The following AKAP13 variants were observed in gnomAD, a reference collection of about 807,000 sequenced individuals.
AKAP13 encodes the protein A-kinase anchor protein 13.
A neutral mutation model predicts 264.5 loss-of-function variants in AKAP13; 80 were observed. That is an observed-to-expected ratio of 0.30 (90% CI 0.25 to 0.36). The LOEUF (loss-of-function observed/expected upper bound fraction) is 0.36, where lower values mean the gene tolerates loss of function less well. AKAP13 is among the 10% of genes least tolerant of loss of function. AKAP13 has a pLI of 1.00. For synonymous variants in AKAP13, 1,380 were observed against 1,250.2 expected, an observed-to-expected ratio of 1.10 and a Z score of -2.19; for missense variants, 3,712 against 3,435.2, an observed-to-expected ratio of 1.08 and a Z score of -2.01.
chr15:85,533,108 A>T (rs1015582607), intron 3 of AKAP13, among the ~76,000 whole-genome samples: 1 of 152,238 alleles, frequency 6.6e-6, no homozygotes, highest in African/African-American at 2.4e-5. Flanking sequence ...GTATCGTGAT[A>T]ATAAAGCAAG....
chr15:85,723,753 A>C (rs939742786), intron 26 of AKAP13, among the ~76,000 whole-genome samples: 1 of 152,336 alleles, frequency 6.6e-6, no homozygotes, highest in East Asian at 1.9e-4. Flanking sequence ...ACTTGTTCAC[A>C]AGAGATGTTA....
intron 1 of AKAP13, among the ~76,000 whole-genome samples, chr15:85,385,354 C>G (rs1409563878): frequency 3.3e-5 from 5 of 152,090 alleles, no homozygotes; most frequent in Admixed American, 2.6e-4. Flanking sequence ...CATTATGTCT[C>G]TTTAGTCTCT....
At chr15:85,487,647 C>G (rs1201918688) in intron 2 of AKAP13, among the ~76,000 whole-genome samples, 5 of 151,972 alleles carry the variant, frequency 3.3e-5, no homozygotes, top group Non-Finnish European at 7.4e-5. Flanking sequence ...CTCACAGCAT[C>G]GTGGAACTCC....
chr15:85,741,729 C>A (rs55869061), intron 35 of AKAP13, among the ~76,000 whole-genome samples: 9,738 of 78,214 alleles, frequency 0.12, 484 homozygotes, highest in East Asian at 0.22. Flanking sequence ...AACAAACAAA[C>A]AAAAAAAAAA....
At chr15:85,506,472 G>A (rs2076225321) in intron 2 of AKAP13, among the ~76,000 whole-genome samples, 2 of 152,000 alleles carry the variant, frequency 1.3e-5, no homozygotes, top group African/African-American at 2.4e-5. Context: ...GAGGAAAGGG[G>A]AACTCAGATA....
chr15:85,385,756 C>G (rs900786603), intron 1 of AKAP13, among the ~76,000 whole-genome samples: 1 of 152,066 alleles, frequency 6.6e-6, no homozygotes, highest in African/African-American at 2.4e-5. Flanking sequence ...TTTGTATATA[C>G]TTTGGAATCA....
At chr15:85,454,058 G>T (rs1012444145) in intron 1 of AKAP13, among the ~76,000 whole-genome samples, 1 of 152,200 alleles carries the variant, frequency 6.6e-6, no homozygotes, top group Admixed American at 6.5e-5. Context: ...GCCACTACTG[G>T]CAGCTGGCTA....
intron 5 of AKAP13, among the ~76,000 whole-genome samples, chr15:85,546,328 A>G (rs2077741559): frequency 6.8e-6 from 1 of 146,106 alleles, no homozygotes. Context: ...CCAAACACAC[A>G]CACACACACA....
chr15:85,396,890 C>T (rs1309763002), intron 1 of AKAP13, among the ~76,000 whole-genome samples: 10 of 141,960 alleles, frequency 7.0e-5, no homozygotes, highest in Non-Finnish European at 1.2e-4. Flanking sequence ...TGAGTCCTCT[C>T]GTATGTTAGA....
At chr15:85,660,370 A>G in intron 12 of AKAP13, among the ~76,000 whole-genome samples, 1 of 142,976 alleles carries the variant, frequency 7.0e-6, no homozygotes. Context: ...AAAAAAAAAA[A>G]AAAAAAAAAG....
intron 9 of AKAP13, among the ~76,000 whole-genome samples, chr15:85,641,112 A>T (rs2448027): frequency 0.64 from 97,063 of 151,868 alleles, 31,200 homozygotes; most frequent in Middle Eastern, 0.73. Flanking sequence ...TTTACTTTAT[A>T]CACACTTCCT....
Position 85,746,969 on chromosome 15 carries a change from T to G in AKAP13, c.*2292T>G, listed in dbSNP as rs943455033. ...GAGCACGTCGCCACAGAGCTTGACATCAATGTTAGAGGGTCTCTTACTCCC... is the reference window on the plus strand; with the variant it reads ...GAGCACGTCGCCACAGAGCTTGACAGCAATGTTAGAGGGTCTCTTACTCCC... On this transcript the variant is annotated 3_prime_UTR_variant, in exon 37 of 37. Transcript: ENST00000394518. 2.6e-5 allele frequency: 4 copies of G among 152,212 alleles called. No homozygotes were observed. The highest frequency in any genetic ancestry group is 9.7e-5 in the African/African-American group (4 of 41,438). The allele number at this position is 152,212 out of a possible 1,614,324, so 9.4% of individuals were successfully genotyped here.
intron 1 of AKAP13, among the ~76,000 whole-genome samples, chr15:85,400,944 C>T (rs964383200): frequency 1.3e-5 from 2 of 151,470 alleles, no homozygotes; most frequent in African/African-American, 4.9e-5. Flanking sequence ...TTACTGCAAC[C>T]TCCGCCTCCC....
chr15:85,710,723 G>T, intron 19 of AKAP13, 78 bp downstream of exon 19: 1 of 1,493,992 alleles, frequency 6.7e-7, no homozygotes, highest in Admixed American at 2.0e-5. Context: ...GTAATATTCA[G>T]TTATTATTCA....
chr15:85,555,448 AAG>A (rs2078109084), intron 5 of AKAP13: 2 of 1,288,950 alleles, frequency 1.6e-6, no homozygotes, highest in Non-Finnish European at 2.0e-6. Context: ...CCAAAACTAA[AAG>A]AGGATGGGCT....
chr15:85,573,906 CTG>C (rs1302842991), intron 5 of AKAP13, among the ~76,000 whole-genome samples: 1 of 152,210 alleles, frequency 6.6e-6, no homozygotes, highest in South Asian at 2.1e-4. Context: ...TGTGATTTCT[CTG>C]TGTCAAACAC....
chr15:85,603,577 G>A (rs796648292), intron 8 of AKAP13, among the ~76,000 whole-genome samples: 16 of 152,164 alleles, frequency 1.1e-4, no homozygotes, highest in African/African-American at 3.6e-4. Context: ...TTGTGATGTG[G>A]CATACATGGA....
chr15:85,568,167 G>A (rs1340055499), intron 5 of AKAP13, among the ~76,000 whole-genome samples: 2 of 152,042 alleles, frequency 1.3e-5, no homozygotes, highest in Non-Finnish European at 2.9e-5. Context: ...TCGTATGGTG[G>A]TGCGTGCCTG....
In AKAP13 at chr15:85,573,461, G is replaced by A. The variant is rs184634490; in HGVS notation, c.663-1670G>A. On this transcript the variant is annotated intron_variant, in intron 5 of 36. Transcript: ENST00000394518. Reference sequence around the variant, plus strand: ...CTCAGGAGGCTGAGGCAGGAGAATCGATGAACCTGGGAGTTAGAGGTTGCA... The same window carrying A: ...CTCAGGAGGCTGAGGCAGGAGAATCAATGAACCTGGGAGTTAGAGGTTGCA... Among the ~76,000 whole-genome samples the A allele has an allele frequency of 6.6e-5, 10 of 152,056 alleles. No individual in the cohort carries two copies. The East Asian group carries it at 1.7e-3, about 27-fold the overall frequency.
Sources: allele counts gnomAD v4.1 joint callset (sites outside exome capture counted in the v4.1 genomes callset), GRCh38; gene constraint gnomAD v4.1.1; transcripts MANE v1.5; gene names NCBI Gene and HGNC (gene_info 2026-07-23, HGNC 2026-07-21).